RREB1: variants seen among roughly 807,000 people sequenced by gnomAD.
RREB1 encodes ras-responsive element-binding protein 1.
Under a neutral mutation model 117.8 loss-of-function variants are expected in RREB1, and 27 were observed. The ratio of observed to expected loss-of-function variants is 0.23; its 90% CI spans 0.17 to 0.32. RREB1 has a LOEUF of 0.32. Ranked by LOEUF, RREB1 falls within the 10% of genes least tolerant of loss-of-function variation. The pLI, the probability that RREB1 is intolerant of heterozygous loss-of-function variation, is 1.00. For synonymous variants in RREB1, 1,298 were observed against 1,026.7 expected, an observed-to-expected ratio of 1.26 and a Z score of -5.05; for missense variants, 2,577 against 2,378.2, an observed-to-expected ratio of 1.08 and a Z score of -1.74.
At chr6:7,218,593 C>T (rs1227183406) in intron 8 of RREB1, 1 of 152,086 alleles carries the variant, frequency 6.6e-6, no homozygotes, top group Non-Finnish European at 1.5e-5. Context: ...AGGTACTAGG[C>T]TCAGTTACTG....
At chr6:7,157,456 C>G (rs867836116) in intron 1 of RREB1, among the ~76,000 whole-genome samples, 1 of 151,602 alleles carries the variant, frequency 6.6e-6, no homozygotes, top group Non-Finnish European at 1.5e-5. Flanking sequence ...AATTGAGTGC[C>G]TACTGTGTGC....
At chr6:7,241,668 G>C (rs1768713967) in intron 11 of RREB1, among the ~76,000 whole-genome samples, 1 of 152,122 alleles carries the variant, frequency 6.6e-6, no homozygotes, top group Admixed American at 6.5e-5. Flanking sequence ...TTGGTTACAG[G>C]GGTACAGGGT....
intron 1 of RREB1, among the ~76,000 whole-genome samples, chr6:7,142,179 C>T (rs1199633810): frequency 6.6e-6 from 1 of 151,720 alleles, no homozygotes. Context: ...CGCGCCACCG[C>T]ACTCCAGCCT....
Position 7,205,779 on chromosome 6 carries a change from A to G in RREB1, c.426-5025A>G, listed in dbSNP as rs549510279. Among the ~76,000 whole-genome samples, 13 of 152,304 alleles carry G rather than the reference A, an allele frequency of 8.5e-5. No individual in the cohort carries two copies. In the South Asian group the frequency reaches 2.5e-3, roughly 29 times the overall value. On this transcript the variant is annotated intron_variant, in intron 6 of 12. Transcript: ENST00000379938. ...CTTTGGTTTAACTCTGATGTTTTCA[A>G]TATTCTTACAGACAACCTACCCTGC...
chr6:7,134,624 C>T (rs947612993), intron 1 of RREB1, among the ~76,000 whole-genome samples: 1 of 152,166 alleles, frequency 6.6e-6, no homozygotes, highest in African/African-American at 2.4e-5. Context: ...TGGCACTTAT[C>T]TTTATTAAAT....
At chr6:7,170,123 C>G (rs1420477725) in intron 1 of RREB1, among the ~76,000 whole-genome samples, 1 of 152,196 alleles carries the variant, frequency 6.6e-6, no homozygotes, top group Non-Finnish European at 1.5e-5. Context: ...AAAGGAGCAT[C>G]AGTAGCTTGT....
At chr6:7,119,304 C>G (rs906224902) in intron 1 of RREB1, among the ~76,000 whole-genome samples, 1 of 151,960 alleles carries the variant, frequency 6.6e-6, no homozygotes, top group Non-Finnish European at 1.5e-5. Context: ...GAGCTGAGAT[C>G]GTGCTACTGC....
At chr6:7,247,302 G>C in intron 12 of RREB1, 81 bp downstream of exon 12, 1 of 1,289,818 alleles carries the variant, frequency 7.8e-7, no homozygotes, top group Non-Finnish European at 1.1e-6. Flanking sequence ...CTGAAGCGGC[G>C]CTGGAGGCCA....
chr6:7,168,075 A>G (rs1200786814), intron 1 of RREB1, among the ~76,000 whole-genome samples: 1 of 151,988 alleles, frequency 6.6e-6, no homozygotes, highest in Non-Finnish European at 1.5e-5. Context: ...AGCCTGTTCA[A>G]CAAAACTCCA....
At chr6:7,122,118 A>G (rs529666007) in intron 1 of RREB1, among the ~76,000 whole-genome samples, 1 of 152,370 alleles carries the variant, frequency 6.6e-6, no homozygotes, top group African/African-American at 2.4e-5. Flanking sequence ...TATCATCCGA[A>G]TAACTCATCA....
At position 7,250,362 on chromosome 6, in the gene RREB1, T is replaced by C. The variant is rs1015162901; in HGVS notation, c.*1394T>C. The C allele has an allele frequency of 6.6e-6, 1 of 152,190 alleles. No homozygotes were observed. Among genetic ancestry groups the C allele is most frequent in the African/African-American group, 2.4e-5 (1 of 41,436 alleles). 9.4% of individuals were successfully genotyped at this position (152,190 alleles called of 1,614,324 possible). On this transcript the variant is annotated 3_prime_UTR_variant, in exon 13 of 13. Transcript: ENST00000379938. The stretch of plus-strand genomic sequence containing the variant: ...TGTGGGGTTGGTGCTTGAAGATAAA[T>C]GTGCTGTTTCTAGTTTCTTAAATAG...
At chr6:7,149,885 C>T (rs1352741599) in intron 1 of RREB1, among the ~76,000 whole-genome samples, 1 of 151,922 alleles carries the variant, frequency 6.6e-6, no homozygotes, top group African/African-American at 2.4e-5. Context: ...GACGGGGTTT[C>T]ACCATGTTGG....
intron 6 of RREB1, among the ~76,000 whole-genome samples, chr6:7,205,935 T>A (rs1581536028): frequency 6.6e-6 from 1 of 152,290 alleles, no homozygotes; most frequent in Non-Finnish European, 1.5e-5. Flanking sequence ...TGCTCAGATT[T>A]GGGGGTTTTT....
intron 5 of RREB1, among the ~76,000 whole-genome samples, chr6:7,187,935 C>A (rs1453160478): frequency 6.6e-6 from 1 of 152,120 alleles, no homozygotes; most frequent in Admixed American, 6.5e-5. Context: ...ATAGGCGGAT[C>A]ACTTGAGATC....
chr6:7,211,666 G>A lies in RREB1; in HGVS notation c.664G>A (p.Gly222Arg), dbSNP rs767504635. 7.4e-6 allele frequency: 12 copies of A among 1,614,096 alleles called. No homozygotes were observed. The highest frequency in any genetic ancestry group is 9.3e-6 in the Non-Finnish European group (11 of 1,179,946). ...TTTCAAGGAGTTTGTTTGCAAGTATGGACTGGAGACCCACATGGAGACCCA... is the reference window on the plus strand; with the variant it reads ...TTTCAAGGAGTTTGTTTGCAAGTATAGACTGGAGACCCACATGGAGACCCA... ...VCFKEFVCKY[G>R]LETHMETHSD... The change falls in exon 8 of 13, where the codon GGA becomes AGA. Residue 222 changes from glycine (G) to arginine (R), a missense_variant. Gly to Arg is a moderately radical substitution (Grantham distance 125, BLOSUM62 -2). Transcript: ENST00000379938.
intron 6 of RREB1, among the ~76,000 whole-genome samples, chr6:7,209,141 T>C (rs1265164168): frequency 6.6e-6 from 1 of 152,220 alleles, no homozygotes; most frequent in Non-Finnish European, 1.5e-5. Flanking sequence ...TTTCTATAAA[T>C]ATTGTGTCAT....
At position 7,208,158 on chromosome 6, in the gene RREB1, C is replaced by T. The variant is rs147008769; in HGVS notation, c.426-2646C>T. On this transcript the variant is annotated intron_variant, in intron 6 of 12. Coordinates refer to ENST00000379938, the MANE Select transcript of RREB1 (RefSeq NM_001003699.4). ...CCTGAGAGAAAGACAAGACCCAAGC[C>T]TTCTAAGGATTGGAATACTCTCTTT... Among the ~76,000 whole-genome samples, 7 of 152,240 alleles carry T rather than the reference C, an allele frequency of 4.6e-5. No individual in the cohort carries two copies. In the East Asian group the frequency reaches 1.2e-3, roughly 25 times the overall value.
chr6:7,188,252 T>TGTGTGTGTGTGTGCGC (rs1411771705), intron 5 of RREB1, among the ~76,000 whole-genome samples: 6 of 147,668 alleles, frequency 4.1e-5, no homozygotes, highest in African/African-American at 1.5e-4. Context: ...TGTGTGTGTG[T>TGTGTGTGTGTGTGCGC]GCGCGCGCGC....
At chr6:7,217,494 A>G (rs561395990) in intron 8 of RREB1, 1 of 152,202 alleles carries the variant, frequency 6.6e-6, no homozygotes, top group Non-Finnish European at 1.5e-5. Flanking sequence ...TGTGGGTCAC[A>G]TAAGGAGCCA....
Sources: gnomAD v4.1 joint callset for allele counts (sites outside exome capture counted in the v4.1 genomes callset) on GRCh38, gnomAD v4.1.1 for gene constraint, MANE v1.5 for transcripts, NCBI Gene and HGNC (gene_info 2026-07-23, HGNC 2026-07-21) for gene names.